Variants in LMO2 observed in about 807,000 individuals in gnomAD.
The protein encoded by LMO2 is LIM domain only 2, also known as rhombotin-2.
A neutral mutation model predicts 23.2 loss-of-function variants in LMO2; 20 were observed. The observed-to-expected ratio is 0.86, with a 90% CI of 0.61 to 1.25. The LOEUF is 1.25. Among genes scored for constraint, LMO2 ranks in the 50% most tolerant of loss-of-function variants. The probability of loss-of-function intolerance (pLI) is 0.00; values close to 1 mark genes in which losing one functional copy is unlikely to be tolerated. For missense variants in LMO2, 270 were observed against 315.3 expected (o/e 0.86, Z 1.09); for synonymous variants, 123 against 130.2 (o/e 0.94, Z 0.38).
In LMO2 at chr11:33,863,941, A is replaced by G. The variant is rs562137996; in HGVS notation, c.464+661T>C. ...CCCCACATCCTTAGAGGTAGGTGCT[A>G]TTATCATCCCCATTTTACAGATAAG... On this transcript the variant is annotated intron_variant, in intron 5 of 5. Coordinates refer to ENST00000257818, the MANE Select transcript of LMO2 (RefSeq NM_005574.4). 2.0e-5 allele frequency among the ~76,000 whole-genome samples: 3 copies of G among 152,310 alleles called. No individual in the cohort carries two copies. In the South Asian group the frequency reaches 6.2e-4, roughly 32 times the overall value.
At chr11:33,870,258 T>G (rs1264597086) in intron 2 of LMO2, 1 of 709,324 alleles carries the variant, frequency 1.4e-6, no homozygotes, top group Non-Finnish European at 1.7e-6. Context: ...TCTTCCGCCT[T>G]TCCCTTTTGG....
chr11:33,868,306 AG>A (rs1199882662), intron 4 of LMO2, among the ~76,000 whole-genome samples: 1 of 152,234 alleles, frequency 6.6e-6, no homozygotes, highest in African/African-American at 2.4e-5. Context: ...CTTTTAAAGC[AG>A]GAAAAGAAAA....
chr11:33,871,991 C>T (rs1312312167), intron 2 of LMO2, among the ~76,000 whole-genome samples: 2 of 152,052 alleles, frequency 1.3e-5, no homozygotes, highest in African/African-American at 2.4e-5. Flanking sequence ...TGGCCGGGCT[C>T]GGTGGCCCAC....
intron 4 of LMO2, among the ~76,000 whole-genome samples, chr11:33,867,149 T>TG (rs1856818535): frequency 6.6e-6 from 1 of 152,156 alleles, no homozygotes; most frequent in Non-Finnish European, 1.5e-5. Context: ...GGGGAGGCAG[T>TG]GGGGGCCACC....
intron 2 of LMO2, chr11:33,870,303 C>T: frequency 1.1e-6 from 1 of 950,680 alleles, no homozygotes. Context: ...ACGAACAGCT[C>T]GAGCAAGCAA....
intron 2 of LMO2, 94 bp from the exon 3 acceptor site, chr11:33,870,081 T>C (rs1856969989): frequency 2.2e-6 from 1 of 463,850 alleles, no homozygotes; most frequent in Non-Finnish European, 2.9e-6. Context: ...TTTTTTTTTT[T>C]TTTTTTTTAA....
intron 5 of LMO2, among the ~76,000 whole-genome samples, chr11:33,863,065 A>C (rs1487086656): frequency 6.6e-6 from 1 of 151,994 alleles, no homozygotes; most frequent in Non-Finnish European, 1.5e-5. Context: ...GGCTCTTCTG[A>C]CCTTACTCTA....
At chr11:33,865,070 G>A in intron 4 of LMO2, 1 of 548,686 alleles carries the variant, frequency 1.8e-6, no homozygotes, top group South Asian at 2.0e-5. Context: ...GGCATCAAAG[G>A]CAATTGCAGG....
At chr11:33,873,243 TGTAAA>T (rs1857067378) in intron 2 of LMO2, among the ~76,000 whole-genome samples, 1 of 152,182 alleles carries the variant, frequency 6.6e-6, no homozygotes, top group Non-Finnish European at 1.5e-5. Context: ...GACCTGAGTG[TGTAAA>T]GAAAAAGAGA....
chr11:33,864,885 G>A lies in LMO2; in HGVS notation c.249-68C>T, dbSNP rs779413832. On this transcript the variant is annotated intron_variant, in intron 4 of 5. Transcript: ENST00000257818. The surrounding 1 kb of genome is among the most constrained non-coding windows in gnomAD (Gnocchi z 4.8). Reference sequence around the variant, plus strand: ...AGACCAGCACCGAGGGTCCGAGATCGTTTTGGGCCAGACAGGGCATCTCAC... The same window carrying A: ...AGACCAGCACCGAGGGTCCGAGATCATTTTGGGCCAGACAGGGCATCTCAC... 20 of 1,452,988 alleles carry A rather than the reference G, an allele frequency of 1.4e-5. 1 individual carries two copies. The highest frequency in any genetic ancestry group is 3.4e-4 in the Middle Eastern group (2 of 5,812). The allele number at this position is 1,452,988 out of a possible 1,614,324, so 90.0% of individuals were successfully genotyped here.
At chr11:33,860,561 C>T (rs976621826) in intron 5 of LMO2, among the ~76,000 whole-genome samples, 3 of 151,938 alleles carry the variant, frequency 2.0e-5, no homozygotes, top group Non-Finnish European at 4.4e-5. Flanking sequence ...CTCACAAGTT[C>T]GAGACCACCC....
intron 4 of LMO2, among the ~76,000 whole-genome samples, chr11:33,868,829 C>A (rs1420562412): frequency 6.6e-6 from 1 of 151,458 alleles, no homozygotes; most frequent in Non-Finnish European, 1.5e-5. Flanking sequence ...GACGGTCGGA[C>A]CCCTCACCCG....
intron 4 of LMO2, among the ~76,000 whole-genome samples, chr11:33,866,509 GC>G (rs1856789264): frequency 6.6e-6 from 1 of 152,184 alleles, no homozygotes; most frequent in Non-Finnish European, 1.5e-5. Flanking sequence ...GGTGGCATGA[GC>G]CAGTAGTCCC....
At chr11:33,860,414 C>CAA (rs1856527760) in intron 5 of LMO2, among the ~76,000 whole-genome samples, 1 of 152,150 alleles carries the variant, frequency 6.6e-6, no homozygotes. Context: ...CAGTGGTTCT[C>CAA]AAAGTGTTGG....
intron 1 of LMO2, among the ~76,000 whole-genome samples, chr11:33,882,970 T>A (rs1308497338): frequency 4.6e-5 from 7 of 152,180 alleles, no homozygotes; most frequent in Non-Finnish European, 7.4e-5. Context: ...ATCTCCCAGA[T>A]CAAGGGAGAA....
chr11:33,869,221 G>T, intron 4 of LMO2, 125 bp downstream of exon 4: 1 of 608,332 alleles, frequency 1.6e-6, no homozygotes, highest in Non-Finnish European at 2.2e-6. Flanking sequence ...CTCGGCACAG[G>T]GGGCCAAGGG....
At chr11:33,882,548 A>G (rs1050826666) in intron 1 of LMO2, among the ~76,000 whole-genome samples, 5 of 152,236 alleles carry the variant, frequency 3.3e-5, no homozygotes, top group Non-Finnish European at 7.3e-5. Flanking sequence ...GAAGAGCTTC[A>G]TGAGGCAAAA....
In LMO2 at chr11:33,859,449, AT is replaced by A; in HGVS notation, c.590del (p.His197LeufsTer4). ...GGAGGTATCTGTCACCTACACAGAA[AT>A]GCTTCTGACAGGCGGCGCATTTGAA... ...ECFKCAACQKHFCVGDRYLLI... is the reference protein window; with the variant it reads ...ECFKCAACQKXFCVGDRYLLI... On this transcript the variant is annotated frameshift_variant, in exon 6 of 6. Coordinates refer to ENST00000257818, the MANE Select transcript of LMO2 (RefSeq NM_005574.4). LOFTEE classifies it high-confidence loss of function. The A allele has an allele frequency of 1.2e-6, 2 of 1,614,128 alleles. No individual in the cohort carries two copies. The highest frequency in any genetic ancestry group is 1.7e-6 in the Non-Finnish European group (2 of 1,180,012).
In LMO2 at chr11:33,864,625, C is replaced by A; in HGVS notation, c.441G>T (p.Lys147Asn). 1 of 1,613,826 alleles carries A rather than the reference C, an allele frequency of 6.2e-7. No individual in the cohort carries two copies. ...GRRLYYKLGRKLCRRDYLRLF... is the reference protein window; with the variant it reads ...GRRLYYKLGRNLCRRDYLRLF... ...ACCTGAGATAGTCTCTCCGGCAGAGCTTCCGGCCCAGTTTGTAGTAGAGGC... is the reference window on the plus strand; with the variant it reads ...ACCTGAGATAGTCTCTCCGGCAGAGATTCCGGCCCAGTTTGTAGTAGAGGC... The change falls in exon 5 of 6, where the codon AAG becomes AAT. Residue 147 changes from lysine (K) to asparagine (N), a missense_variant. Physicochemically the swap from Lys to Asn is moderately conservative, Grantham distance 94. Around this residue, in one of 2 missense-constraint regions of LMO2, gnomAD observed 100 missense variants for 153.3 expected, o/e 0.65. Coordinates refer to ENST00000257818, the MANE Select transcript of LMO2 (RefSeq NM_005574.4). The surrounding 1 kb of genome is among the most constrained non-coding windows in gnomAD (Gnocchi z 4.8).
Sources: allele counts gnomAD v4.1 joint callset (sites outside exome capture counted in the v4.1 genomes callset), GRCh38; gene constraint gnomAD v4.1.1; regional missense constraint gnomAD v4.1.1; non-coding constraint Gnocchi (gnomAD v3.1); transcripts MANE v1.5; gene names NCBI Gene and HGNC (gene_info 2026-07-23, HGNC 2026-07-21).